Variants in C17orf99 observed in about 807,000 individuals in gnomAD.
C17orf99 encodes the protein protein IL-40.
C17orf99 carries 18 observed loss-of-function variants against 22.6 expected under a neutral mutation model. The observed-to-expected ratio is 0.80, with a 90% CI of 0.55 to 1.18. The LOEUF is 1.18. Ranked by LOEUF, C17orf99 falls within the 50% of genes most tolerant of loss-of-function variation. The probability of loss-of-function intolerance (pLI) is 0.00; values close to 1 mark genes in which losing one functional copy is unlikely to be tolerated. For synonymous variants in C17orf99, 147 were observed against 136.6 expected (o/e 1.08, Z -0.53); for missense variants, 328 against 342.7 (o/e 0.96, Z 0.34).
chr17:78,157,869 A>T, intron 2 of C17orf99: 1 of 1,086,674 alleles, frequency 9.2e-7, no homozygotes. Context: ...AAGATCGTCG[A>T]GATGTCTACT....
In C17orf99 at chr17:78,165,967, G is replaced by C. The variant is rs1341462059; in HGVS notation, c.719G>C (p.Arg240Pro). The C allele has an allele frequency of 1.3e-6, 2 of 1,502,996 alleles. No individual in the cohort carries two copies. Among genetic ancestry groups the C allele is most frequent in the Non-Finnish European group, 9.0e-7 (1 of 1,116,808 alleles). 93.1% of individuals were successfully genotyped at this position (1,502,996 alleles called of 1,614,324 possible). ...GCCTTGCCGCTCTACAGGAGCACCC[G>C]CCGTCTGAGTGAAGAGGAGTTTGGG... Reference protein sequence around the residue: ...ILALPLYRSTRRLSEEEFGGF... With the variant: ...ILALPLYRSTPRLSEEEFGGF... The change falls in exon 5 of 5, where the codon CGC becomes CCC. Residue 240 changes from arginine to proline, a missense_variant. By Grantham distance (103) the Arg-to-Pro change is moderately radical. Coordinates refer to ENST00000340363, the MANE Select transcript of C17orf99 (RefSeq NM_001163075.2).
chr17:78,166,159 A>C lies in C17orf99; in HGVS notation c.*113A>C. 1.1e-5 allele frequency: 3 copies of C among 267,514 alleles called. No homozygotes were observed. The highest frequency in any genetic ancestry group is 1.4e-5 in the Non-Finnish European group (2 of 138,054). The allele number at this position is 267,514 out of a possible 1,614,324, so 16.6% of individuals were successfully genotyped here. A position where few individuals can be genotyped will look rare whatever the true frequency, so the allele number is the denominator to read the frequency against. Reference sequence around the variant, plus strand: ...GTGTTTTAGCTGCTCTTGCCACAAAAAAAAAAAAAAAAAAAAAAGGGTAAC... The same window carrying C: ...GTGTTTTAGCTGCTCTTGCCACAAACAAAAAAAAAAAAAAAAAAGGGTAAC... On this transcript the variant is annotated 3_prime_UTR_variant, in exon 5 of 5. Coordinates refer to ENST00000340363, the MANE Select transcript of C17orf99 (RefSeq NM_001163075.2).
intron 4 of C17orf99, chr17:78,165,205 G>A (rs947490410): frequency 7.1e-6 from 7 of 991,626 alleles, no homozygotes; most frequent in African/African-American, 1.7e-5. Context: ...GGCTTTGGTG[G>A]TGGCCAGCCC....
At chr17:78,152,019 C>A (rs2075487659) in intron 2 of C17orf99, among the ~76,000 whole-genome samples, 2 of 152,148 alleles carry the variant, frequency 1.3e-5, no homozygotes, top group Admixed American at 1.3e-4. Context: ...TGGACATGAG[C>A]CCTCCACAGT....
Position 78,165,967 on chromosome 17 carries a change from G to T in C17orf99, c.719G>T (p.Arg240Leu), listed in dbSNP as rs1341462059. The T allele has an allele frequency of 6.7e-7, 1 of 1,502,996 alleles. No individual in the cohort carries two copies. The highest frequency in any genetic ancestry group is 2.1e-5 in the Admixed American group (1 of 48,418). The allele number at this position is 1,502,996 out of a possible 1,614,324, so 93.1% of individuals were successfully genotyped here. The change falls in exon 5 of 5, where the codon CGC (arginine) becomes CTC (leucine). Residue 240 changes from arginine (R) to leucine (L), a missense_variant. Coordinates refer to ENST00000340363, the MANE Select transcript of C17orf99 (RefSeq NM_001163075.2). ...ILALPLYRST[R>L]RLSEEEFGGF... ...GCCTTGCCGCTCTACAGGAGCACCC[G>T]CCGTCTGAGTGAAGAGGAGTTTGGG... is the stretch of plus-strand genomic sequence containing the variant.
chr17:78,164,912 G>T, intron 4 of C17orf99: 1 of 1,164,750 alleles, frequency 8.6e-7, no homozygotes, highest in African/African-American at 1.6e-5. Context: ...CAGGTGCCCT[G>T]TAACACAGTC....
chr17:78,162,273 CAAAAAAAAAAA>C (rs35349689), intron 3 of C17orf99, among the ~76,000 whole-genome samples: 3 of 93,484 alleles, frequency 3.2e-5, no homozygotes, highest in Non-Finnish European at 6.5e-5. Context: ...AAGACTATCT[CAAAAAAAAAAA>C]AAAAAAAAAG....
intron 2 of C17orf99, among the ~76,000 whole-genome samples, chr17:78,149,193 G>A (rs1031523610): frequency 3.3e-5 from 5 of 151,986 alleles, no homozygotes; most frequent in Admixed American, 6.6e-5. Context: ...TTAGCCGGGC[G>A]TGGTGGCGCA....
intron 4 of C17orf99, 87 bp downstream of exon 4, chr17:78,164,451 G>A (rs2145804916): frequency 6.5e-7 from 1 of 1,548,936 alleles, no homozygotes; most frequent in Middle Eastern, 1.7e-4. Context: ...TCGATGGGAA[G>A]TGGGACAGCT....
At chr17:78,161,335 A>G in intron 3 of C17orf99, 81 bp downstream of exon 3, 1 of 1,275,580 alleles carries the variant, frequency 7.8e-7, no homozygotes, top group Non-Finnish European at 1.1e-6. Context: ...GGGATTGTGA[A>G]CCTTGCTGGG....
At chr17:78,149,822 G>C (rs946456404) in intron 2 of C17orf99, among the ~76,000 whole-genome samples, 3 of 151,694 alleles carry the variant, frequency 2.0e-5, no homozygotes, top group African/African-American at 7.3e-5. Context: ...GGATTCTCCT[G>C]CCTCAGCCTC....
intron 2 of C17orf99, among the ~76,000 whole-genome samples, chr17:78,147,936 C>T (rs1347689206): frequency 2.0e-5 from 3 of 152,160 alleles, no homozygotes; most frequent in Non-Finnish European, 4.4e-5. Context: ...TAACTAAACT[C>T]CTAAGAGACT....
chr17:78,155,984 C>T (rs1243414657), intron 2 of C17orf99, among the ~76,000 whole-genome samples: 2 of 151,996 alleles, frequency 1.3e-5, no homozygotes, highest in Non-Finnish European at 2.9e-5. Context: ...AACCCTCTCC[C>T]TCAAACCCCT....
At position 78,161,194 on chromosome 17, in the gene C17orf99, T is replaced by A; in HGVS notation, c.310T>A (p.Ser104Thr). ...GCTCACCTACTTCTGCTGGGCGTCC[T>A]CCACCTCAGGTGCCCATGTGGACAG... Reference protein sequence around the residue: ...DLLTYFCWASSTSGAHVDSAR... With the variant: ...DLLTYFCWASTTSGAHVDSAR... The change falls in exon 3 of 5, where the codon TCC (serine) becomes ACC (threonine). Residue 104 changes from serine to threonine, a missense_variant. Coordinates refer to ENST00000340363, the MANE Select transcript of C17orf99 (RefSeq NM_001163075.2). The A allele has an allele frequency of 6.4e-7, 1 of 1,551,742 alleles. No individual in the cohort carries two copies. The highest frequency in any genetic ancestry group is 8.7e-7 in the Non-Finnish European group (1 of 1,146,966).
chr17:78,147,735 C>T (rs141476326), intron 2 of C17orf99, among the ~76,000 whole-genome samples: 55 of 152,272 alleles, frequency 3.6e-4, no homozygotes, highest in African/African-American at 1.3e-3. Context: ...ATGATGACGC[C>T]ATTCTCACTT....
At chr17:78,162,231 G>A (rs183167860) in intron 3 of C17orf99, among the ~76,000 whole-genome samples, 9 of 150,538 alleles carry the variant, frequency 6.0e-5, no homozygotes, top group Middle Eastern at 3.4e-3. Flanking sequence ...AGCCAAGGTC[G>A]TGCTGCTGCA....
chr17:78,159,883 C>T lies in C17orf99; in HGVS notation c.71-1072C>T, dbSNP rs188534561. On this transcript the variant is annotated intron_variant, in intron 2 of 4. Transcript: ENST00000340363. The stretch of plus-strand genomic sequence containing the variant: ...ATGTTGTTACGGCTCATCCCTGTTG[C>T]AGCCTGCATCTGTGCTCATTTCTTT... Among the ~76,000 whole-genome samples the T allele has an allele frequency of 4.6e-5, 7 of 152,290 alleles. No individual in the cohort carries two copies. The East Asian group carries it at 1.2e-3, about 25-fold the overall frequency.
intron 2 of C17orf99, chr17:78,160,199 A>G: frequency 2.3e-6 from 1 of 441,988 alleles, no homozygotes. Context: ...TCACTTATTT[A>G]TTTGTAATTT....
chr17:78,158,127 G>T, intron 2 of C17orf99: 1 of 840,606 alleles, frequency 1.2e-6, no homozygotes, highest in Non-Finnish European at 2.0e-6. Flanking sequence ...CAGAAGTACA[G>T]CTGTGGAGAA....
Sources: gnomAD v4.1 joint callset for allele counts (sites outside exome capture counted in the v4.1 genomes callset) on GRCh38, gnomAD v4.1.1 for gene constraint, MANE v1.5 for transcripts, NCBI Gene and HGNC (gene_info 2026-07-23, HGNC 2026-07-21) for gene names.